The following TRAPPC9 variants were observed in gnomAD, a reference collection of about 807,000 sequenced individuals.
The protein encoded by TRAPPC9 is trafficking protein particle complex subunit 9.
TRAPPC9 carries 83 observed loss-of-function variants against 124.0 expected under a neutral mutation model. That is an observed-to-expected ratio of 0.67 (90% confidence interval 0.56 to 0.80). The LOEUF (loss-of-function observed/expected upper bound fraction) is 0.80, where lower values mean the gene tolerates loss of function less well. TRAPPC9 is among the 30% of genes least tolerant of loss of function. The pLI is 0.00. For synonymous variants in TRAPPC9, 638 were observed against 617.5 expected (o/e 1.03, Z -0.49); for missense variants, 1,302 against 1,508.3 (o/e 0.86, Z 2.27).
intron 21 of TRAPPC9, among the ~76,000 whole-genome samples, chr8:139,817,845 C>A (rs560942972): frequency 6.6e-6 from 1 of 152,278 alleles, no homozygotes; most frequent in Non-Finnish European, 1.5e-5. Context: ...ACAGACAGAG[C>A]CATATACAAC....
chr8:140,043,847 G>A (rs78057210), intron 17 of TRAPPC9, among the ~76,000 whole-genome samples: 5,416 of 152,214 alleles, frequency 0.036, 305 homozygotes, highest in African/African-American at 0.12. Flanking sequence ...GCATGGTGAC[G>A]TGGGCCCCAG....
intron 18 of TRAPPC9, among the ~76,000 whole-genome samples, chr8:139,997,466 C>CCCACACAGGGGAGACAATGCATT (rs200195726): frequency 7.1e-6 from 1 of 141,722 alleles, no homozygotes; most frequent in African/African-American, 2.5e-5. Context: ...GACAATATAT[C>CCCACACAGGGGAGACAATGCATT]CCACACAGGG....
intron 11 of TRAPPC9, among the ~76,000 whole-genome samples, chr8:140,297,677 GC>G (rs1253128716): frequency 1.3e-5 from 2 of 152,256 alleles, no homozygotes; most frequent in Non-Finnish European, 2.9e-5. Context: ...CCCAGGGTCT[GC>G]GGGGCCCCCA....
At chr8:139,791,133 G>A (rs1822631998) in intron 21 of TRAPPC9, among the ~76,000 whole-genome samples, 1 of 152,160 alleles carries the variant, frequency 6.6e-6, no homozygotes, top group South Asian at 2.1e-4. Flanking sequence ...GGCTCCCAGG[G>A]GAGTGCACAA....
intron 20 of TRAPPC9, among the ~76,000 whole-genome samples, chr8:139,893,286 G>A (rs1830460896): frequency 6.6e-6 from 1 of 152,186 alleles, no homozygotes; most frequent in Non-Finnish European, 1.5e-5. Context: ...GACGCACCCT[G>A]CTCTCTCCTT....
intron 16 of TRAPPC9, among the ~76,000 whole-genome samples, chr8:140,247,697 G>GT (rs776323586): frequency 3.9e-5 from 6 of 152,054 alleles, no homozygotes; most frequent in Non-Finnish European, 8.8e-5. Flanking sequence ...ATGCATGTAC[G>GT]TTAGATCTTC....
chr8:140,383,707 AG>A (rs1490516422), intron 7 of TRAPPC9, among the ~76,000 whole-genome samples: 1 of 152,226 alleles, frequency 6.6e-6, no homozygotes, highest in African/African-American at 2.4e-5. Context: ...TGAAAGTGAC[AG>A]GGAGAATGGA....
intron 21 of TRAPPC9, among the ~76,000 whole-genome samples, chr8:139,836,389 C>CCGGCACT: frequency 6.6e-6 from 1 of 152,324 alleles, no homozygotes; most frequent in Admixed American, 6.5e-5. Flanking sequence ...GACCCTGCGC[C>CCGGCACT]CGGCACTCGA....
chr8:139,840,542 C>T (rs1033669456), intron 21 of TRAPPC9, among the ~76,000 whole-genome samples: 1 of 152,138 alleles, frequency 6.6e-6, no homozygotes, highest in East Asian at 1.9e-4. Flanking sequence ...TGGAGGTCGG[C>T]GAGGGTAGCG....
intron 19 of TRAPPC9, among the ~76,000 whole-genome samples, chr8:139,914,415 G>A (rs185022878): frequency 3.1e-4 from 47 of 152,376 alleles, no homozygotes; most frequent in Admixed American, 9.1e-4. Context: ...GAGGAAGGGC[G>A]GAAGGCGCTG....
rs1280587501 is a variant in TRAPPC9 at position 140,172,483 on chromosome 8, A to AG, written c.2556+48975dup. 6.6e-5 allele frequency among the ~76,000 whole-genome samples: 5 copies of AG among 75,268 alleles called. No homozygotes were observed. The East Asian group carries it at 1.9e-3, about 28-fold the overall frequency. The allele number at this position is 75,268 out of a possible 152,430, so 49.4% of individuals were successfully genotyped here. ...GGGTTAAACTACCTCTGGGCAATGG[A>AG]GGGGGGTTAAACTACCTCTGGACAA... On this transcript the variant is annotated intron_variant, in intron 17 of 22. Coordinates refer to ENST00000438773, the MANE Select transcript of TRAPPC9 (RefSeq NM_001160372.4).
At chr8:140,333,036 G>C (rs1019424779) in intron 9 of TRAPPC9, among the ~76,000 whole-genome samples, 3 of 151,374 alleles carry the variant, frequency 2.0e-5, no homozygotes, top group African/African-American at 7.3e-5. Flanking sequence ...TGAGGCAAGA[G>C]AATCACTTGA....
At chr8:140,277,561 G>A (rs970548284) in intron 14 of TRAPPC9, among the ~76,000 whole-genome samples, 5 of 152,330 alleles carry the variant, frequency 3.3e-5, no homozygotes, top group Admixed American at 6.5e-5. Context: ...ACAAAACAAC[G>A]CTTCACCTGG....
At chr8:140,033,957 C>G (rs899624601) in intron 17 of TRAPPC9, among the ~76,000 whole-genome samples, 2 of 152,170 alleles carry the variant, frequency 1.3e-5, no homozygotes, top group African/African-American at 4.8e-5. Context: ...GCTGGGATTA[C>G]AGGCATGAGC....
At chr8:139,864,460 T>C (rs1294516685) in intron 21 of TRAPPC9, among the ~76,000 whole-genome samples, 1 of 152,232 alleles carries the variant, frequency 6.6e-6, no homozygotes, top group East Asian at 1.9e-4. Flanking sequence ...TCATATCTTT[T>C]GAAATTCATT....
At chr8:140,037,713 T>G (rs1400152448) in intron 17 of TRAPPC9, among the ~76,000 whole-genome samples, 1 of 102,644 alleles carries the variant, frequency 9.7e-6, no homozygotes, top group Non-Finnish European at 2.4e-5. Context: ...CAGACACACA[T>G]ACACCACACA....
chr8:140,002,600 T>C (rs1185702541), intron 18 of TRAPPC9, among the ~76,000 whole-genome samples: 1 of 151,988 alleles, frequency 6.6e-6, no homozygotes, highest in Admixed American at 6.5e-5. Flanking sequence ...TACACTAACA[T>C]AGTAGTAAAG....
intron 5 of TRAPPC9, among the ~76,000 whole-genome samples, chr8:140,406,086 C>T (rs879362706): frequency 2.0e-4 from 31 of 152,018 alleles, no homozygotes; most frequent in South Asian, 2.1e-4. Flanking sequence ...AGGTCAACTA[C>T]GCAAAAGCAT....
chr8:140,385,748 G>A (rs962229797), intron 7 of TRAPPC9, among the ~76,000 whole-genome samples: 2 of 152,184 alleles, frequency 1.3e-5, no homozygotes, highest in Non-Finnish European at 2.9e-5. Flanking sequence ...ATAAGGAGGA[G>A]CTGGTACCAT....
Sources: gnomAD v4.1 joint callset for allele counts (sites outside exome capture counted in the v4.1 genomes callset) on GRCh38, gnomAD v4.1.1 for gene constraint, MANE v1.5 for transcripts, NCBI Gene and HGNC (gene_info 2026-07-23, HGNC 2026-07-21) for gene names.